COX7A2L: variants seen among roughly 807,000 people sequenced by gnomAD.
COX7A2L encodes cytochrome c oxidase subunit 7A2-like, mitochondrial.
In COX7A2L, 18 loss-of-function variants were observed where a neutral mutation model predicts 14.2. That is an observed-to-expected ratio of 1.27 (90% CI 0.88 to 1.88). The LOEUF (loss-of-function observed/expected upper bound fraction) is 1.88, where lower values mean the gene tolerates loss of function less well. Ranked by LOEUF, COX7A2L falls within the 40% of genes most tolerant of loss-of-function variation. COX7A2L has a pLI of 0.00. For missense variants in COX7A2L, 179 were observed against 138.8 expected (o/e 1.29, Z -1.46); for synonymous variants, 65 against 57.4 (o/e 1.13, Z -0.60).
At position 42,339,983 on chromosome 2, in the gene COX7A2L, C is replaced by T. The variant is rs898937485; in HGVS notation, c.193-6114G>A. On this transcript the variant is annotated intron_variant, in intron 2 of 2. Transcript: ENST00000468711. The surrounding 1 kb of genome is among the most constrained non-coding windows in gnomAD (Gnocchi z 5.4). ...CCCATTCTATTTCCTCACTCCCACA[C>T]GACCCTCTGAACAATGTCGCAGACA... Among the ~76,000 whole-genome samples, 6 of 152,152 alleles carry T rather than the reference C, an allele frequency of 3.9e-5. No individual in the cohort carries two copies. Among genetic ancestry groups the T allele is most frequent in the African/African-American group, 7.2e-5 (3 of 41,412 alleles).
chr2:42,361,125 C>A lies in COX7A2L; in HGVS notation c.37G>T (p.Ala13Ser). ...TAGGCCTCCGAAGCCCATGCTCCTG[C>A]CAACTTCTGCGTGAAGCCACTAAAC... is the stretch of plus-strand genomic sequence containing the variant. ...YKFSGFTQKL[A>S]GAWASEAYSP... is the part of the protein sequence containing the mutation. The change falls in exon 1 of 3, where the codon GCA becomes TCA. Residue 13 changes from alanine (A) to serine (S), a missense_variant. Ala to Ser is a moderately conservative substitution (Grantham distance 99). Coordinates refer to ENST00000234301, the MANE Select transcript of COX7A2L (RefSeq NM_004718.4). 6.2e-7 allele frequency: 1 copy of A among 1,613,850 alleles called. No homozygotes were observed. The highest frequency in any genetic ancestry group is 8.5e-7 in the Non-Finnish European group (1 of 1,179,904).
intron 1 of COX7A2L, among the ~76,000 whole-genome samples, chr2:42,354,207 A>C (rs1670742531): frequency 6.6e-6 from 1 of 152,182 alleles, no homozygotes; most frequent in Non-Finnish European, 1.5e-5. Flanking sequence ...AAAAAACCCT[A>C]AATTGTACCC....
intron 2 of COX7A2L, among the ~76,000 whole-genome samples, chr2:42,351,838 T>A (rs1056217157): frequency 5.9e-5 from 9 of 152,032 alleles, no homozygotes; most frequent in Non-Finnish European, 1.3e-4. Context: ...CCAGGTGTGG[T>A]GGTATGCACC....
chr2:42,338,846 T>C lies in COX7A2L; in HGVS notation c.193-4977A>G, dbSNP rs1670342447. 1.3e-5 allele frequency among the ~76,000 whole-genome samples: 2 copies of C among 152,138 alleles called. No homozygotes were observed. The highest frequency in any genetic ancestry group is 2.9e-5 in the Non-Finnish European group (2 of 68,020). ...TGTGCGGCAGAGGTACCATCTCCCA[T>C]GTCTAGAAAGGAAAAAGAGAAGATG... On this transcript the variant is annotated intron_variant, in intron 2 of 2. Coordinates refer to the COX7A2L transcript ENST00000468711. The surrounding 1 kb of genome is among the most constrained non-coding windows in gnomAD (Gnocchi z 4.4).
At position 42,339,384 on chromosome 2, in the gene COX7A2L, A is replaced by G. The variant is rs1389245728; in HGVS notation, c.193-5515T>C. ...CCACACCACTCACTCGAAGCATGAG[A>G]GACACACACTAGTGGTGAACCAAGA... is the stretch of plus-strand genomic sequence containing the variant. On this transcript the variant is annotated intron_variant, in intron 2 of 2. Coordinates refer to the COX7A2L transcript ENST00000468711. The surrounding 1 kb of genome is among the most constrained non-coding windows in gnomAD (Gnocchi z 5.4). 1.3e-5 allele frequency among the ~76,000 whole-genome samples: 2 copies of G among 152,274 alleles called. No individual in the cohort carries two copies. The highest frequency in any genetic ancestry group is 1.9e-4 in the East Asian group (1 of 5,180).
At chr2:42,360,412 A>G (rs1365033834) in intron 1 of COX7A2L, among the ~76,000 whole-genome samples, 4 of 152,144 alleles carry the variant, frequency 2.6e-5, no homozygotes, top group Admixed American at 2.6e-4. Context: ...GGGGCTCTAA[A>G]ATCCCTCATG....
upstream of COX7A2L, among the ~76,000 whole-genome samples, chr2:42,364,052 TCTC>T (rs1671110613): frequency 6.6e-6 from 1 of 152,150 alleles, no homozygotes; most frequent in East Asian, 1.9e-4. Flanking sequence ...TTTTAAATTC[TCTC>T]ATTTTTTCCA....
In COX7A2L at chr2:42,338,515, C is replaced by A. The variant is rs1198531469; in HGVS notation, c.193-4646G>T. Among the ~76,000 whole-genome samples, 1 of 152,194 alleles carries A rather than the reference C, an allele frequency of 6.6e-6. No homozygotes were observed. The highest frequency in any genetic ancestry group is 1.5e-5 in the Non-Finnish European group (1 of 68,042). ...CATGTGCTGCCCGTGAACATCTCCT[C>A]ACCAGAATCATTAGCAGAAACGTTT... On this transcript the variant is annotated intron_variant, in intron 2 of 2. Transcript: ENST00000468711. This position sits in a 1 kb window ranked among gnomAD's most constrained non-coding sequence, Gnocchi z 4.4.
downstream of COX7A2L, among the ~76,000 whole-genome samples, chr2:42,346,001 C>G (rs1670490175): frequency 6.6e-6 from 1 of 152,188 alleles, no homozygotes; most frequent in African/African-American, 2.4e-5. Flanking sequence ...AAGGCATAAT[C>G]CTAACTCTGA....
chr2:42,368,599 G>A (rs1333792715), intron 1 of COX7A2L, among the ~76,000 whole-genome samples: 1 of 152,170 alleles, frequency 6.6e-6, no homozygotes, highest in Non-Finnish European at 1.5e-5. Flanking sequence ...TTATGTATCT[G>A]CCACAAGATT....
At chr2:42,348,462 T>TA (rs1670540133), downstream of COX7A2L, among the ~76,000 whole-genome samples, 1 of 152,134 alleles carries the variant, frequency 6.6e-6, no homozygotes, top group Non-Finnish European at 1.5e-5. Flanking sequence ...ATATCACCTA[T>TA]AAAAAATTCC....
At chr2:42,366,146 C>T (rs1018770374), upstream of COX7A2L, among the ~76,000 whole-genome samples, 6 of 152,026 alleles carry the variant, frequency 3.9e-5, no homozygotes, top group Non-Finnish European at 8.8e-5. Context: ...AAACAAGGGG[C>T]GGGCTGGGTG....
upstream of COX7A2L, chr2:42,361,435 C>T (rs951048162): frequency 5.3e-6 from 2 of 376,426 alleles, no homozygotes; most frequent in Admixed American, 9.5e-5. Flanking sequence ...TTCCCTCTTT[C>T]CCCCATTCAG....
chr2:42,362,709 C>T (rs575700897), upstream of COX7A2L, among the ~76,000 whole-genome samples: 75 of 152,246 alleles, frequency 4.9e-4, 1 homozygote, highest in South Asian at 0.015. Context: ...TATTCAGCAC[C>T]GCCAATATGT....
chr2:42,361,956 C>A (rs998891068), upstream of COX7A2L: 1 of 152,204 alleles, frequency 6.6e-6, no homozygotes, highest in Non-Finnish European at 1.5e-5. Context: ...GCCTCCTGGG[C>A]TTTGTGCAGA....
At chr2:42,365,923 T>C (rs1164837745), upstream of COX7A2L, 1 of 152,150 alleles carries the variant, frequency 6.6e-6, no homozygotes, top group Non-Finnish European at 1.5e-5. Context: ...AGAACAAACA[T>C]ATCACCTCCA....
At chr2:42,354,108 T>G (rs1398815539) in intron 1 of COX7A2L, among the ~76,000 whole-genome samples, 1 of 152,150 alleles carries the variant, frequency 6.6e-6, no homozygotes. Flanking sequence ...AGGTAACAGT[T>G]AAAAGGTACA....
downstream of COX7A2L, among the ~76,000 whole-genome samples, chr2:42,349,014 T>G (rs971052094): frequency 1.3e-5 from 2 of 152,186 alleles, no homozygotes; most frequent in East Asian, 1.9e-4. Context: ...CATGTGCTGG[T>G]GAGAATGTTA....
In COX7A2L at chr2:42,351,173, T is replaced by G; in HGVS notation, c.*46A>C. 6.5e-7 allele frequency: 1 copy of G among 1,529,380 alleles called. No individual in the cohort carries two copies. Among genetic ancestry groups the G allele is most frequent in the Non-Finnish European group, 8.8e-7 (1 of 1,137,754 alleles). 94.7% of individuals were successfully genotyped at this position (1,529,380 alleles called of 1,614,324 possible). A position where few individuals can be genotyped will look rare whatever the true frequency, so the allele number is the denominator to read the frequency against. Reference sequence around the variant, plus strand: ...TTAATTTAACAATGAAAAAGGAACTTCAAAGGGTTTATGCCAAAAAACAAA... The same window carrying G: ...TTAATTTAACAATGAAAAAGGAACTGCAAAGGGTTTATGCCAAAAAACAAA... On this transcript the variant is annotated 3_prime_UTR_variant, in exon 3 of 3. Coordinates refer to ENST00000234301, the MANE Select transcript of COX7A2L (RefSeq NM_004718.4).
Sources: gnomAD v4.1 joint callset for allele counts (sites outside exome capture counted in the v4.1 genomes callset) on GRCh38, gnomAD v4.1.1 for gene constraint, Gnocchi (gnomAD v3.1) non-coding constraint, MANE v1.5 for transcripts, NCBI Gene and HGNC (gene_info 2026-07-23, HGNC 2026-07-21) for gene names.